The following FAM228B variants were observed in gnomAD, a reference collection of about 807,000 sequenced individuals.
The protein encoded by FAM228B is family with sequence similarity 228 member B, also known as protein FAM228B.
FAM228B carries 38 observed loss-of-function variants against 42.6 expected under a neutral mutation model. The ratio of observed to expected loss-of-function variants is 0.89; its 90% CI spans 0.69 to 1.17. The LOEUF is 1.17. Among genes scored for constraint, FAM228B ranks in the 50% most tolerant of loss-of-function variants. The pLI, the probability that FAM228B is intolerant of heterozygous loss-of-function variation, is 0.00. For synonymous variants in FAM228B, 109 were observed against 122.3 expected (o/e 0.89, Z 0.72); for missense variants, 344 against 367.3 (o/e 0.94, Z 0.52).
chr2:24,143,415 T>A (rs1201726520), intron 5 of FAM228B, among the ~76,000 whole-genome samples: 2 of 152,184 alleles, frequency 1.3e-5, no homozygotes, highest in African/African-American at 4.8e-5. Context: ...AGGATGGTTT[T>A]GATCTCCTGA....
At chr2:24,093,124 CTTTTTA>C (rs1427575598) in intron 2 of FAM228B, among the ~76,000 whole-genome samples, 2 of 152,228 alleles carry the variant, frequency 1.3e-5, no homozygotes, top group African/African-American at 4.8e-5. Flanking sequence ...TCCCCTCTCA[CTTTTTA>C]TTTTTATTTT....
chr2:24,156,467 T>C (rs1218601928), intron 7 of FAM228B, among the ~76,000 whole-genome samples: 1 of 151,924 alleles, frequency 6.6e-6, no homozygotes. Context: ...ATCCCGTCTC[T>C]ACTAAAAATA....
intron 2 of FAM228B, among the ~76,000 whole-genome samples, chr2:24,132,844 C>G (rs1212376340): frequency 4.6e-5 from 7 of 152,150 alleles, no homozygotes; most frequent in Non-Finnish European, 1.0e-4. Flanking sequence ...CCAAACTTGT[C>G]TTTCCTGAAG....
At position 24,167,780 on chromosome 2, in the gene FAM228B, G is replaced by A. The variant is rs571889175; in HGVS notation, c.*14+97G>A. 288 of 1,393,730 alleles carry A rather than the reference G, an allele frequency of 2.1e-4. 5 individuals are homozygous for A. The South Asian group carries it at 3.6e-3, about 17-fold the overall frequency. The allele number at this position is 1,393,730 out of a possible 1,614,324, so 86.3% of individuals were successfully genotyped here. On this transcript the variant is annotated intron_variant, in intron 10 of 10. Coordinates refer to ENST00000615575, the MANE Select transcript of FAM228B (RefSeq NM_001145710.2). ...ATATCTTCAGAGTCCACAGTGGGAGGGAGGAAAGAGAAATAATGGGTGGGT... is the reference window on the plus strand; with the variant it reads ...ATATCTTCAGAGTCCACAGTGGGAGAGAGGAAAGAGAAATAATGGGTGGGT...
chr2:24,103,029 G>T (rs1456293253), intron 3 of FAM228B, among the ~76,000 whole-genome samples: 1 of 152,196 alleles, frequency 6.6e-6, no homozygotes, highest in Non-Finnish European at 1.5e-5. Flanking sequence ...ATACAAAAGT[G>T]TTCACTGTTT....
At chr2:24,136,314 C>T (rs1482091339) in intron 3 of FAM228B, among the ~76,000 whole-genome samples, 1 of 152,018 alleles carries the variant, frequency 6.6e-6, no homozygotes, top group East Asian at 1.9e-4. Context: ...GCAACTTCCA[C>T]CTCCCGGGTT....
At chr2:24,148,791 G>A (rs1666954731) in intron 7 of FAM228B, among the ~76,000 whole-genome samples, 1 of 152,038 alleles carries the variant, frequency 6.6e-6, no homozygotes, top group Non-Finnish European at 1.5e-5. Context: ...TAGTCCCCTT[G>A]TTGTGCTATC....
At chr2:24,161,314 G>A (rs956717544) in intron 7 of FAM228B, among the ~76,000 whole-genome samples, 192 bp from the exon 8 acceptor site, 1 of 152,098 alleles carries the variant, frequency 6.6e-6, no homozygotes. Context: ...TGGCATGGTG[G>A]TGCATGCCTG....
chr2:24,096,460 C>T (rs1486484394), intron 3 of FAM228B: 3 of 152,292 alleles, frequency 2.0e-5, no homozygotes, highest in African/African-American at 7.2e-5. Flanking sequence ...AGCTGAAAAC[C>T]ACGGCACAAG....
intron 2 of FAM228B, among the ~76,000 whole-genome samples, chr2:24,088,603 G>A (rs975447938): frequency 7.9e-5 from 12 of 152,040 alleles, no homozygotes; most frequent in African/African-American, 2.2e-4. Flanking sequence ...CACCTGCTTC[G>A]GCCTCCCAAA....
chr2:24,111,519 C>A (rs1665795570), intron 3 of FAM228B, among the ~76,000 whole-genome samples: 1 of 152,160 alleles, frequency 6.6e-6, no homozygotes, highest in African/African-American at 2.4e-5. Flanking sequence ...GTATTGATAG[C>A]TCAGTCTTTG....
chr2:24,109,446 G>A (rs921130752), intron 3 of FAM228B, among the ~76,000 whole-genome samples: 1 of 152,148 alleles, frequency 6.6e-6, no homozygotes, highest in Non-Finnish European at 1.5e-5. Context: ...TTGACAAATG[G>A]CATGTAATTA....
intron 7 of FAM228B, among the ~76,000 whole-genome samples, chr2:24,153,621 G>A (rs138297484): frequency 1.2e-3 from 183 of 152,306 alleles, no homozygotes; most frequent in African/African-American, 4.3e-3. Flanking sequence ...CAGAAGGAAG[G>A]TGTCACCTTT....
intron 7 of FAM228B, among the ~76,000 whole-genome samples, chr2:24,154,637 G>A (rs1286359757): frequency 6.6e-5 from 10 of 152,208 alleles, no homozygotes; most frequent in East Asian, 1.9e-4. Flanking sequence ...AGAGGAAAAA[G>A]AGAAGAAGCC....
At chr2:24,094,284 C>CTGG (rs1363861987) in intron 2 of FAM228B, among the ~76,000 whole-genome samples, 1 of 152,112 alleles carries the variant, frequency 6.6e-6, no homozygotes, top group Admixed American at 6.5e-5. Flanking sequence ...GTTGCTCAGG[C>CTGG]TGGTCTTCAA....
chr2:24,146,824 A>G lies in FAM228B; in HGVS notation c.518A>G (p.Gln173Arg). Reference sequence around the variant, plus strand: ...GATAACGAAAAAAGAACTCTTCTTCAGTGTGAGACTGGTACTTAGTTCCTA... The same window carrying G: ...GATAACGAAAAAAGAACTCTTCTTCGGTGTGAGACTGGTACTTAGTTCCTA... ...DKDNEKRTLL[Q>R]CETGKIYSIK... is the part of the protein sequence containing the mutation. Residue 173 changes from glutamine to arginine, a missense_variant, in exon 6 of 11, where the codon CAG (glutamine) becomes CGG (arginine). Transcript: ENST00000615575. 6.5e-7 allele frequency: 1 copy of G among 1,547,204 alleles called. No homozygotes were observed. The highest frequency in any genetic ancestry group is 2.0e-5 in the Admixed American group (1 of 50,928).
chr2:24,083,341 A>G (rs1665101150), intron 2 of FAM228B, among the ~76,000 whole-genome samples: 1 of 152,202 alleles, frequency 6.6e-6, no homozygotes, highest in South Asian at 2.1e-4. Flanking sequence ...TGGAGGTCAC[A>G]TGATCAGTGG....
intron 7 of FAM228B, among the ~76,000 whole-genome samples, chr2:24,149,717 G>A (rs1232134532): frequency 6.6e-6 from 1 of 152,214 alleles, no homozygotes; most frequent in Non-Finnish European, 1.5e-5. Context: ...ACAGGTGTAA[G>A]CCACTGCGCC....
At position 24,084,722 on chromosome 2, in the gene FAM228B, G is replaced by A. The variant is rs1289037051; in HGVS notation, c.-210+3767G>A. The A allele has an allele frequency of 6.0e-6, 1 of 167,952 alleles. No homozygotes were observed. The highest frequency in any genetic ancestry group is 1.7e-4 in the East Asian group (1 of 5,816). The allele number at this position is 167,952 out of a possible 1,614,324, so 10.4% of individuals were successfully genotyped here. On this transcript the variant is annotated intron_variant, in intron 2 of 10. Coordinates refer to the FAM228B transcript ENST00000613899. This position sits in a 1 kb window ranked among gnomAD's most constrained non-coding sequence, Gnocchi z 8.4. The stretch of plus-strand genomic sequence containing the variant: ...ACCCGGGTCCCCGGCGCCCGTATGA[G>A]TTACTTACTCCTGGCCCGGCTCCCC...
Sources: allele counts gnomAD v4.1 joint callset (sites outside exome capture counted in the v4.1 genomes callset), GRCh38; gene constraint gnomAD v4.1.1; non-coding constraint Gnocchi (gnomAD v3.1); transcripts MANE v1.5; gene names NCBI Gene and HGNC (gene_info 2026-07-23, HGNC 2026-07-21).